DST: variants seen among roughly 807,000 people sequenced by gnomAD.
DST encodes the protein dystonin.
DST carries 253 observed loss-of-function variants against 875.2 expected under a neutral mutation model. The ratio of observed to expected loss-of-function variants is 0.29; its 90% CI spans 0.26 to 0.32. The LOEUF (loss-of-function observed/expected upper bound fraction) is 0.32, where lower values mean the gene tolerates loss of function less well. Ranked by LOEUF, DST falls within the 10% of genes least tolerant of loss-of-function variation. DST has a pLI of 1.00. For missense variants in DST, 8,287 were observed against 9,111.6 expected (o/e 0.91, Z 3.68); for synonymous variants, 3,124 against 3,197.1 (o/e 0.98, Z 0.77).
chr6:56,500,969 G>C (rs1213767230), intron 80 of DST, 111 bp downstream of exon 80: 2 of 1,002,356 alleles, frequency 2.0e-6, no homozygotes, highest in Non-Finnish European at 2.8e-6. Flanking sequence ...ATATGAACTT[G>C]TGTCAAAATC....
chr6:56,939,840 C>T (rs191865577), intron 2 of DST, among the ~76,000 whole-genome samples: 6 of 152,108 alleles, frequency 3.9e-5, no homozygotes, highest in Admixed American at 2.0e-4. Context: ...GCCTGGCCAA[C>T]ATGATGAAAC....
Position 56,555,344 on chromosome 6 carries a change from C to T in DST, c.15136+1G>A. The T allele has an allele frequency of 6.4e-7, 1 of 1,566,246 alleles. No individual in the cohort carries two copies. The highest frequency in any genetic ancestry group is 8.6e-7 in the Non-Finnish European group (1 of 1,157,036). On this transcript the variant is annotated splice_donor_variant, in intron 60 of 103. Transcript: ENST00000680361. LOFTEE classifies it high-confidence loss of function. ...AATATATGTATTAAAAGTAGACAAA[C>T]CTGCTTTCTGTTCAACATCCTTAAA... is the stretch of plus-strand genomic sequence containing the variant.
rs561724592 is a variant in DST, at chr6:56,781,405, T to C, written c.626-46116A>G. 6.8e-3 allele frequency among the ~76,000 whole-genome samples: 1,041 copies of C among 152,250 alleles called. 15 individuals are homozygous for C. The highest frequency in any genetic ancestry group is 0.024 in the African/African-American group (1,009 of 41,560). On this transcript the variant is annotated intron_variant, in intron 4 of 103. Transcript: ENST00000680361. ...TATCCTCTTTTATTTCATTGAGCAGTGGTTTGTAGTTCTCCTTGAAGAGGT... is the reference window on the plus strand; with the variant it reads ...TATCCTCTTTTATTTCATTGAGCAGCGGTTTGTAGTTCTCCTTGAAGAGGT...
chr6:56,608,591 C>T lies in DST; in HGVS notation c.6037G>A (p.Glu2013Lys). 6.2e-7 allele frequency: 1 copy of T among 1,613,466 alleles called. No homozygotes were observed. The highest frequency in any genetic ancestry group is 1.1e-5 in the South Asian group (1 of 90,992). The stretch of plus-strand genomic sequence containing the variant: ...GCAGTGTCCCTGTCAATCACCCCTT[C>T]TCTGACAGCTTCTTCAACAGTCATT... ...QRMTVEEAVR[E>K]GVIDRDTASS... Residue 2013 changes from glutamate to lysine, a missense_variant, in exon 40 of 104, where the codon GAA becomes AAA. Glu to Lys is a moderately conservative substitution (Grantham distance 56, BLOSUM62 1). Transcript: ENST00000680361.
intron 32 of DST, among the ~76,000 whole-genome samples, chr6:56,628,887 T>C (rs565638368): frequency 2.6e-5 from 4 of 152,286 alleles, no homozygotes; most frequent in African/African-American, 7.2e-5. Context: ...AAGTCCAGTA[T>C]AGAAGCTACA....
chr6:56,642,951 A>C, intron 15 of DST: 1 of 1,439,326 alleles, frequency 6.9e-7, no homozygotes, highest in Non-Finnish European at 9.2e-7. Context: ...AACACACAGC[A>C]AATAATATGC....
intron 4 of DST, among the ~76,000 whole-genome samples, chr6:56,810,330 A>G (rs2099758390): frequency 2.6e-5 from 4 of 152,180 alleles, no homozygotes; most frequent in African/African-American, 9.7e-5. Flanking sequence ...TATGTATTAT[A>G]TCTACACACA....
intron 2 of DST, among the ~76,000 whole-genome samples, chr6:56,903,293 G>C (rs1297277015): frequency 1.3e-5 from 2 of 152,090 alleles, no homozygotes; most frequent in African/African-American, 4.8e-5. Flanking sequence ...CACTTAGGGA[G>C]AAAAACTGCA....
chr6:56,554,046 T>C (rs997803641), intron 60 of DST, among the ~76,000 whole-genome samples: 7 of 151,380 alleles, frequency 4.6e-5, no homozygotes, highest in Non-Finnish European at 7.4e-5. Context: ...CCATCTCTTA[T>C]TAAATATGAC....
intron 59 of DST, among the ~76,000 whole-genome samples, chr6:56,556,129 C>T (rs1041958671): frequency 1.3e-5 from 2 of 152,128 alleles, no homozygotes; most frequent in East Asian, 3.8e-4. Context: ...AGAAACACTG[C>T]TGTTAAACAA....
rs544096582 is a variant in DST, at chr6:56,518,003, T to TA, written c.18130-384dup. Among the ~76,000 whole-genome samples the TA allele has an allele frequency of 2.0e-5, 3 of 152,268 alleles. No individual in the cohort carries two copies. In the South Asian group the frequency reaches 6.2e-4, roughly 32 times the overall value. On this transcript the variant is annotated intron_variant, in intron 69 of 103. Coordinates refer to ENST00000680361, the MANE Select transcript of DST (RefSeq NM_001374736.1). ...TCACCCATCACTTCAACTCCTATGATATGCAACTAACATTCTGCTATCAAA... is the reference window on the plus strand; with the variant it reads ...TCACCCATCACTTCAACTCCTATGATAATGCAACTAACATTCTGCTATCAAA...
chr6:56,627,360 C>A, intron 33 of DST, 73 bp from the exon 34 acceptor site: 4 of 1,003,242 alleles, frequency 4.0e-6, no homozygotes, highest in Non-Finnish European at 6.4e-6. Context: ...TGCTCAGTAA[C>A]TAAGACATAT....
intron 9 of DST, among the ~76,000 whole-genome samples, chr6:56,673,020 CA>C (rs1285681717): frequency 6.6e-6 from 1 of 151,926 alleles, no homozygotes; most frequent in African/African-American, 2.4e-5. Flanking sequence ...ATTGGGAGGC[CA>C]AAATGAGAGG....
chr6:56,516,110 A>G (rs1437687502), intron 71 of DST, among the ~76,000 whole-genome samples: 4 of 143,696 alleles, frequency 2.8e-5, no homozygotes, highest in Admixed American at 6.8e-5. Flanking sequence ...GTGTGTGTAT[A>G]TATATATAGA....
intron 4 of DST, among the ~76,000 whole-genome samples, chr6:56,767,302 A>C (rs2099635963): frequency 6.6e-6 from 1 of 152,152 alleles, no homozygotes; most frequent in Non-Finnish European, 1.5e-5. Flanking sequence ...ACAAAAAGAG[A>C]AACAGCAATC....
At chr6:56,601,315 T>G (rs1383366632) in intron 44 of DST, 128 bp downstream of exon 44, 1 of 625,498 alleles carries the variant, frequency 1.6e-6, no homozygotes, top group South Asian at 2.0e-5. Flanking sequence ...AGGATTTGTA[T>G]GTACACTGTA....
At position 56,735,213 on chromosome 6, in the gene DST, G is replaced by A. The variant is rs763358278; in HGVS notation, c.687+15C>T. Reference sequence around the variant, plus strand: ...TTCCAAACAATTCCAGGAAGTGAACGAAATAAAAACTGACCTTCATGAGAT... The same window carrying A: ...TTCCAAACAATTCCAGGAAGTGAACAAAATAAAAACTGACCTTCATGAGAT... On this transcript the variant is annotated intron_variant, in intron 5 of 103. Transcript: ENST00000680361. 33 of 1,518,958 alleles carry A rather than the reference G, an allele frequency of 2.2e-5. No homozygotes were observed. The highest frequency in any genetic ancestry group is 7.9e-5 in the Admixed American group (4 of 50,818). 94.1% of individuals were successfully genotyped at this position (1,518,958 alleles called of 1,614,324 possible).
chr6:56,569,274 A>C (rs912377829), intron 54 of DST, among the ~76,000 whole-genome samples: 4 of 150,336 alleles, frequency 2.7e-5, no homozygotes, highest in Non-Finnish European at 3.0e-5. Flanking sequence ...GCAGTGAGCC[A>C]AGATCACACC....
chr6:56,812,154 A>G (rs967641541), intron 4 of DST, among the ~76,000 whole-genome samples: 1 of 71,158 alleles, frequency 1.4e-5, no homozygotes, highest in African/African-American at 4.3e-5. Flanking sequence ...GAAAAGAAAA[A>G]AGAAAATATT....
Sources: allele counts gnomAD v4.1 joint callset (sites outside exome capture counted in the v4.1 genomes callset), GRCh38; gene constraint gnomAD v4.1.1; transcripts MANE v1.5; gene names NCBI Gene and HGNC (gene_info 2026-07-23, HGNC 2026-07-21).